IQSEC1: variants seen among roughly 807,000 people sequenced by gnomAD.
IQSEC1 encodes the protein IQ motif and Sec7 domain ArfGEF 1, also known as IQ motif and SEC7 domain-containing protein 1.
IQSEC1 carries 31 observed loss-of-function variants against 91.0 expected under a neutral mutation model. The ratio of observed to expected loss-of-function variants is 0.34; its 90% CI spans 0.26 to 0.46. IQSEC1 has a LOEUF of 0.46. IQSEC1 is among the 20% of genes least tolerant of loss of function. The probability of loss-of-function intolerance (pLI) is 1.00; values close to 1 mark genes in which losing one functional copy is unlikely to be tolerated. For missense variants in IQSEC1, 1,388 were observed against 1,575.6 expected (o/e 0.88, Z 2.02); for synonymous variants, 699 against 662.6 (o/e 1.05, Z -0.84).
rs147932410 is a variant in IQSEC1 at position 12,924,938 on chromosome 3, T to C, written c.1569-196A>G. Reference sequence around the variant, plus strand: ...GGAACTCAAGAACCCAGGCTGGCACTGGAAGACCCTGGGCTCCAGGCATCC... The same window carrying C: ...GGAACTCAAGAACCCAGGCTGGCACCGGAAGACCCTGGGCTCCAGGCATCC... On this transcript the variant is annotated intron_variant, in intron 3 of 13. Transcript: ENST00000613206. This position sits in a 1 kb window ranked among gnomAD's most constrained non-coding sequence, Gnocchi z 6.3. 5.3e-4 allele frequency among the ~76,000 whole-genome samples: 80 copies of C among 152,324 alleles called. No individual in the cohort carries two copies. The highest frequency in any genetic ancestry group is 1.8e-3 in the African/African-American group (76 of 41,564).
intron 1 of IQSEC1, among the ~76,000 whole-genome samples, chr3:13,169,194 C>T (rs1693557140): frequency 6.6e-6 from 1 of 152,178 alleles, no homozygotes; most frequent in Non-Finnish European, 1.5e-5. Flanking sequence ...CTTTCCCATG[C>T]TGTTCTTGTG....
chr3:13,001,436 GT>G, intron 1 of IQSEC1, among the ~76,000 whole-genome samples: 1 of 152,154 alleles, frequency 6.6e-6, no homozygotes, highest in Non-Finnish European at 1.5e-5. Flanking sequence ...TAAGAATACA[GT>G]TCCCAAGCTC....
rs150639795 is a variant in IQSEC1 at position 13,097,762 on chromosome 3, C to T, written c.303-50240G>A. On this transcript the variant is annotated intron_variant, in intron 2 of 15. Transcript: ENST00000648114. ...CTGAACATTTTTTTTTTCCTGGAAT[C>T]GCTTCTGGCTGCGCATTCAACTTTA... Among the ~76,000 whole-genome samples, 28 of 152,208 alleles carry T rather than the reference C, an allele frequency of 1.8e-4. No individual in the cohort carries two copies. In the East Asian group the frequency reaches 5.4e-3, roughly 29 times the overall value.
chr3:13,020,422 T>A (rs1420623297), intron 1 of IQSEC1, among the ~76,000 whole-genome samples: 2 of 152,226 alleles, frequency 1.3e-5, no homozygotes, highest in African/African-American at 4.8e-5. Context: ...CCATTGAGGC[T>A]GAGGCCCAGG....
At chr3:13,223,870 C>T (rs1367113013) in intron 1 of IQSEC1, among the ~76,000 whole-genome samples, 6 of 152,170 alleles carry the variant, frequency 3.9e-5, no homozygotes, top group African/African-American at 1.4e-4. Flanking sequence ...ATTCACTGCC[C>T]AGAGCTCCCT....
intron 2 of IQSEC1, among the ~76,000 whole-genome samples, chr3:13,110,718 C>T (rs892558551): frequency 6.6e-6 from 1 of 152,334 alleles, no homozygotes; most frequent in Admixed American, 6.5e-5. Context: ...CTTGGGGACA[C>T]AGGGGCTTTC....
At position 13,214,333 on chromosome 3, in the gene IQSEC1, C is replaced by T. The variant is rs1019553015; in HGVS notation, c.273-50200G>A. Among the ~76,000 whole-genome samples, 3 of 152,254 alleles carry T rather than the reference C, an allele frequency of 2.0e-5. No homozygotes were observed. The highest frequency in any genetic ancestry group is 4.8e-5 in the African/African-American group (2 of 41,478). ...GGAACACCACATCTGCTGCTCCCAA[C>T]ACCCTTGTCCAGGAGCTGCCCAGGC... On this transcript the variant is annotated intron_variant, in intron 1 of 15. Coordinates refer to the IQSEC1 transcript ENST00000648114. This position sits in a 1 kb window ranked among gnomAD's most constrained non-coding sequence, Gnocchi z 4.5.
At chr3:13,110,101 C>T (rs1706218095) in intron 2 of IQSEC1, among the ~76,000 whole-genome samples, 3 of 151,650 alleles carry the variant, frequency 2.0e-5, no homozygotes, top group South Asian at 4.2e-4. Context: ...AGGCTGGTCT[C>T]GAACTCCTGA....
chr3:13,175,495 C>A (rs569561421), intron 1 of IQSEC1, among the ~76,000 whole-genome samples: 2 of 152,194 alleles, frequency 1.3e-5, no homozygotes, highest in African/African-American at 4.8e-5. Context: ...CCCGGAAGCA[C>A]GCTGAGTCCC....
intron 1 of IQSEC1, among the ~76,000 whole-genome samples, chr3:13,213,692 C>G (rs1408936353): frequency 6.6e-6 from 1 of 152,184 alleles, no homozygotes; most frequent in East Asian, 1.9e-4. Context: ...AGACTGCAAG[C>G]TAAGCAATTA....
Position 12,967,249 on chromosome 3 carries a change from C to A in IQSEC1, c.24-25384G>T. ...CCACAGTCTGGCGGACGCACCCCGC[C>A]CCGCAGGCAGCTTTCTCTCGCACGC... On this transcript the variant is annotated intron_variant, in intron 1 of 13. Transcript: ENST00000613206. This position sits in a 1 kb window ranked among gnomAD's most constrained non-coding sequence, Gnocchi z 5.9. 1 of 690,336 alleles carries A rather than the reference C, an allele frequency of 1.4e-6. No homozygotes were observed. The highest frequency in any genetic ancestry group is 2.3e-6 in the Non-Finnish European group (1 of 435,706). The allele number at this position is 690,336 out of a possible 1,614,324, so 42.8% of individuals were successfully genotyped here.
intron 2 of IQSEC1, among the ~76,000 whole-genome samples, chr3:13,148,881 C>T (rs1294609575): frequency 6.6e-6 from 1 of 152,260 alleles, no homozygotes; most frequent in Non-Finnish European, 1.5e-5. Context: ...GCTGGCGAGA[C>T]CCCCTGAAGG....
At chr3:12,961,738 G>C (rs1237956401) in intron 1 of IQSEC1, among the ~76,000 whole-genome samples, 1 of 152,220 alleles carries the variant, frequency 6.6e-6, no homozygotes, top group Non-Finnish European at 1.5e-5. Flanking sequence ...ATCAGCTAAA[G>C]GATGCCATGT....
At chr3:13,070,246 C>A (rs1705370922) in intron 1 of IQSEC1, among the ~76,000 whole-genome samples, 1 of 152,230 alleles carries the variant, frequency 6.6e-6, no homozygotes. Flanking sequence ...CAGGAAACAG[C>A]TGTGTGACCC....
At position 12,901,067 on chromosome 3, in the gene IQSEC1, T is replaced by C. The variant is rs1339402455; in HGVS notation, c.3261A>G (p.Thr1087=). The C allele has an allele frequency of 1.9e-5, 29 of 1,538,456 alleles. No homozygotes were observed. Among genetic ancestry groups the C allele is most frequent in the African/African-American group, 2.8e-5 (2 of 72,420 alleles). Reference sequence around the variant, plus strand: ...CAGGGGGCTGCCCATGGTGGTGCACTGTGTGCCCCACGTGGGCCGAGGGCA... The same window carrying C: ...CAGGGGGCTGCCCATGGTGGTGCACCGTGTGCCCCACGTGGGCCGAGGGCA... ...PPLPSAHVGH[T]VHHHGQPPAP... is the part of the protein sequence containing the mutation. The change falls in exon 14 of 14, where the codon ACA becomes ACG. Residue 1087 remains threonine (T), a synonymous_variant. Transcript: ENST00000613206.
chr3:13,226,854 C>T (rs1694761890), intron 1 of IQSEC1, among the ~76,000 whole-genome samples: 1 of 149,530 alleles, frequency 6.7e-6, no homozygotes, highest in Non-Finnish European at 1.5e-5. Context: ...CCCTCCAGAT[C>T]TCAGGGAGAC....
At chr3:13,268,242 C>G (rs1259555529) in intron 1 of IQSEC1, among the ~76,000 whole-genome samples, 2 of 152,242 alleles carry the variant, frequency 1.3e-5, no homozygotes, top group Non-Finnish European at 2.9e-5. Context: ...TCCCACAGAC[C>G]AGGTCCATGT....
chr3:13,227,141 C>T (rs1329812552), intron 1 of IQSEC1, among the ~76,000 whole-genome samples: 2 of 151,778 alleles, frequency 1.3e-5, no homozygotes, highest in Non-Finnish European at 2.9e-5. Context: ...TTTGGAAGGC[C>T]GAGGCAGGTG....
At position 12,901,164 on chromosome 3, in the gene IQSEC1, G is replaced by A. The variant is rs1694237906; in HGVS notation, c.3164C>T (p.Ala1055Val). The change falls in exon 14 of 14, where the codon GCA becomes GTA. Residue 1055 changes from alanine (A) to valine (V), a missense_variant. Around this residue, in one of 2 missense-constraint regions of IQSEC1, gnomAD observed 329 missense variants for 257.8 expected, o/e 1.28. Transcript: ENST00000613206. ...HHHPPQHIQH[A>V]HQYHHGPHGG... Reference sequence around the variant, plus strand: ...ATGGGGGCCGTGGTGGTACTGGTGTGCGTGCTGGATGTGCTGGGGTGGGTG... The same window carrying A: ...ATGGGGGCCGTGGTGGTACTGGTGTACGTGCTGGATGTGCTGGGGTGGGTG... The A allele has an allele frequency of 4.5e-6, 7 of 1,544,058 alleles. No individual in the cohort carries two copies. Among genetic ancestry groups the A allele is most frequent in the Non-Finnish European group, 6.1e-6 (7 of 1,144,552 alleles).
Sources: gnomAD v4.1 joint callset for allele counts (sites outside exome capture counted in the v4.1 genomes callset) on GRCh38, gnomAD v4.1.1 for gene constraint, gnomAD v4.1.1 regional missense constraint, Gnocchi (gnomAD v3.1) non-coding constraint, MANE v1.5 for transcripts, NCBI Gene and HGNC (gene_info 2026-07-23, HGNC 2026-07-21) for gene names.